USP43: variants seen among roughly 807,000 people sequenced by gnomAD.
USP43 encodes the protein ubiquitin carboxyl-terminal hydrolase 43.
A neutral mutation model predicts 90.7 loss-of-function variants in USP43; 33 were observed. The ratio of observed to expected loss-of-function variants is 0.36; its 90% CI spans 0.28 to 0.49. The LOEUF is 0.49. Ranked by LOEUF, USP43 falls within the 20% of genes least tolerant of loss-of-function variation. USP43 has a pLI of 0.98. For missense variants in USP43, 1,274 were observed against 1,476.4 expected (o/e 0.86, Z 2.25); for synonymous variants, 598 against 615.8 (o/e 0.97, Z 0.43).
chr17:9,659,449 T>G (rs1418031028), intron 2 of USP43, among the ~76,000 whole-genome samples: 1 of 152,192 alleles, frequency 6.6e-6, no homozygotes, highest in Admixed American at 6.5e-5. Context: ...CTTTGTCTAT[T>G]TCAAAGCCAG....
chr17:9,710,535 T>C (rs984597995), intron 13 of USP43, among the ~76,000 whole-genome samples: 1 of 130,446 alleles, frequency 7.7e-6, no homozygotes, highest in African/African-American at 3.2e-5. Flanking sequence ...AGATGGAGTC[T>C]CGCTCTGTCA....
intron 2 of USP43, among the ~76,000 whole-genome samples, chr17:9,661,066 G>A (rs1912607996): frequency 6.6e-6 from 1 of 152,138 alleles, no homozygotes; most frequent in African/African-American, 2.4e-5. Flanking sequence ...GGAAAGCTAT[G>A]TAGCTAGATT....
intron 1 of USP43, among the ~76,000 whole-genome samples, chr17:9,652,212 C>CAAAAAAAAAAAAAAAAA (rs769295315): frequency 1.4e-4 from 6 of 42,700 alleles, no homozygotes; most frequent in African/African-American, 3.6e-4. Flanking sequence ...GCCCTTAGCG[C>CAAAAAAAAAAAAAAAAA]AAAAAAAAAA....
At chr17:9,690,300 C>T (rs1370417558) in intron 8 of USP43, among the ~76,000 whole-genome samples, 1 of 152,106 alleles carries the variant, frequency 6.6e-6, no homozygotes, top group African/African-American at 2.4e-5. Flanking sequence ...CTGCCTTTTA[C>T]CTTTGTCAGA....
intron 1 of USP43, among the ~76,000 whole-genome samples, chr17:9,648,845 TTC>T (rs767313425): frequency 6.6e-6 from 1 of 151,530 alleles, no homozygotes; most frequent in African/African-American, 2.4e-5. Context: ...TCCTTTCTCT[TTC>T]TGTTTCTCTT....
chr17:9,702,540 G>C lies in USP43; in HGVS notation c.2011+840G>C, dbSNP rs75743549. ...TACTTTTCATGTTTATTCCTCTGGGGAATTTCAGAGCAGTGGATGAAGGGA... is the reference window on the plus strand; with the variant it reads ...TACTTTTCATGTTTATTCCTCTGGGCAATTTCAGAGCAGTGGATGAAGGGA... On this transcript the variant is annotated intron_variant, in intron 12 of 14. Transcript: ENST00000285199. 3.2e-3 allele frequency among the ~76,000 whole-genome samples: 490 copies of C among 152,304 alleles called. 1 individual carries two copies. The highest frequency in any genetic ancestry group is 5.1e-3 in the Non-Finnish European group (348 of 68,026).
chr17:9,704,535 T>C (rs1379489894), intron 12 of USP43, among the ~76,000 whole-genome samples: 1 of 152,178 alleles, frequency 6.6e-6, no homozygotes, highest in East Asian at 1.9e-4. Flanking sequence ...CAGGCTGGTC[T>C]TGAACTCCTG....
intron 14 of USP43, among the ~76,000 whole-genome samples, chr17:9,718,031 CG>C (rs1337276631): frequency 6.6e-6 from 1 of 151,924 alleles, no homozygotes; most frequent in African/African-American, 2.4e-5. Context: ...CTCTTCATCT[CG>C]TGATCTGCCC....
chr17:9,686,747 T>A lies in USP43; in HGVS notation c.1242-51T>A. 1 of 1,526,500 alleles carries A rather than the reference T, an allele frequency of 6.6e-7. No homozygotes were observed. The highest frequency in any genetic ancestry group is 9.0e-7 in the Non-Finnish European group (1 of 1,108,662). 94.6% of individuals were successfully genotyped at this position (1,526,500 alleles called of 1,614,324 possible). On this transcript the variant is annotated intron_variant, in intron 7 of 14. Transcript: ENST00000285199. The surrounding 1 kb of genome is among the most constrained non-coding windows in gnomAD (Gnocchi z 5.5). ...AGAACAACCACTCATGACTGGTGGA[T>A]GTTGCTGGTTTTTCCTTTGCTGGGA... is the stretch of plus-strand genomic sequence containing the variant.
chr17:9,667,239 G>A (rs1280846952), intron 3 of USP43, among the ~76,000 whole-genome samples: 1 of 151,980 alleles, frequency 6.6e-6, no homozygotes, highest in African/African-American at 2.4e-5. Context: ...CTAGCCGGGT[G>A]TGGCACGTGC....
intron 8 of USP43, among the ~76,000 whole-genome samples, chr17:9,690,861 G>A (rs1201671039): frequency 6.6e-6 from 1 of 151,996 alleles, no homozygotes; most frequent in Non-Finnish European, 1.5e-5. Context: ...TTCCAGCCTG[G>A]GTGACAGAGC....
intron 5 of USP43, among the ~76,000 whole-genome samples, chr17:9,677,475 A>T (rs1201638332): frequency 6.6e-6 from 1 of 152,230 alleles, no homozygotes; most frequent in Non-Finnish European, 1.5e-5. Context: ...CATGAGAGAG[A>T]ACATCTGGCG....
At chr17:9,697,195 C>A (rs1476626375) in intron 9 of USP43, among the ~76,000 whole-genome samples, 1 of 151,936 alleles carries the variant, frequency 6.6e-6, no homozygotes, top group Non-Finnish European at 1.5e-5. Context: ...CCAGCCTGGG[C>A]AACAGAGCGA....
Position 9,686,709 on chromosome 17 carries a change from G to A in USP43, c.1242-89G>A. ...GCTCTTGTCACTTATCCTATTGACA[G>A]GAAGCCAGGGTTAGAACAACCACTC... On this transcript the variant is annotated intron_variant, in intron 7 of 14. Transcript: ENST00000285199. This position sits in a 1 kb window ranked among gnomAD's most constrained non-coding sequence, Gnocchi z 5.5. 8.9e-7 allele frequency: 1 copy of A among 1,127,198 alleles called. No homozygotes were observed. Among genetic ancestry groups the A allele is most frequent in the Admixed American group, 2.2e-5 (1 of 45,838 alleles). 69.8% of individuals were successfully genotyped at this position (1,127,198 alleles called of 1,614,324 possible). A position where few individuals can be genotyped will look rare whatever the true frequency, so the allele number is the denominator to read the frequency against.
At chr17:9,708,619 T>C (rs1326861067) in intron 12 of USP43, among the ~76,000 whole-genome samples, 3 of 152,214 alleles carry the variant, frequency 2.0e-5, no homozygotes, top group South Asian at 2.1e-4. Context: ...ATCTAGGGCC[T>C]GTTTTTTGTT....
chr17:9,681,488 A>C (rs868284724), intron 6 of USP43, among the ~76,000 whole-genome samples: 1 of 84,716 alleles, frequency 1.2e-5, no homozygotes, highest in Non-Finnish European at 2.4e-5. Context: ...ATATATATAT[A>C]TATATATATA....
At chr17:9,723,870 A>G (rs879325527) in intron 14 of USP43, among the ~76,000 whole-genome samples, 5 of 151,756 alleles carry the variant, frequency 3.3e-5, no homozygotes, top group Non-Finnish European at 7.4e-5. Context: ...CGGCCTCCCA[A>G]AGTGCTGGGA....
rs146619134 is a variant in USP43, at chr17:9,693,095, G to A, written c.1354-32G>A. On this transcript the variant is annotated intron_variant, in intron 8 of 14. Coordinates refer to ENST00000285199, the MANE Select transcript of USP43 (RefSeq NM_153210.5). ...TAATTTAAATCAATATAGGGGCTAC[G>A]TAATGATCCATGTCTGTTTTTGTCT... The A allele has an allele frequency of 3.2e-3, 4,966 of 1,563,700 alleles. 28 individuals are homozygous for A. The highest frequency in any genetic ancestry group is 6.7e-3 in the Middle Eastern group (40 of 5,986).
At chr17:9,720,468 G>C (rs1177663186) in intron 14 of USP43, among the ~76,000 whole-genome samples, 2 of 150,100 alleles carry the variant, frequency 1.3e-5, no homozygotes, top group African/African-American at 4.9e-5. Flanking sequence ...ACTATCATGA[G>C]TTTGCAAATA....
Sources: allele counts gnomAD v4.1 joint callset (sites outside exome capture counted in the v4.1 genomes callset), GRCh38; gene constraint gnomAD v4.1.1; non-coding constraint Gnocchi (gnomAD v3.1); transcripts MANE v1.5; gene names NCBI Gene and HGNC (gene_info 2026-07-23, HGNC 2026-07-21).